Variants in CSMD2 observed in about 807,000 individuals in gnomAD.
CSMD2 encodes CUB and sushi domain-containing protein 2.
CSMD2 carries 130 observed loss-of-function variants against 398.5 expected under a neutral mutation model. That is an observed-to-expected ratio of 0.33 (90% CI 0.28 to 0.38). The LOEUF is 0.38. CSMD2 is among the 10% of genes least tolerant of loss of function. CSMD2 has a pLI of 1.00. For missense variants in CSMD2, 3,829 were observed against 4,764.9 expected, an observed-to-expected ratio of 0.80 and a Z score of 5.78; for synonymous variants, 1,828 against 1,908.5, an observed-to-expected ratio of 0.96 and a Z score of 1.10.
rs574055972 is a variant in CSMD2 at position 34,123,823 on chromosome 1, A to G, written c.188-34630T>C. On this transcript the variant is annotated intron_variant, in intron 1 of 70. Transcript: ENST00000373381. ...GTGAGAGCAGGAAAAAAAAACAACA[A>G]CATGGCTTAAGAGAGCTTTTCCCTA... Among the ~76,000 whole-genome samples the G allele has an allele frequency of 2.0e-5, 3 of 152,128 alleles. No individual in the cohort carries two copies. In the East Asian group the frequency reaches 5.8e-4, roughly 29 times the overall value.
chr1:33,925,828 G>A (rs1441276689), intron 4 of CSMD2, among the ~76,000 whole-genome samples: 2 of 151,778 alleles, frequency 1.3e-5, no homozygotes, highest in Non-Finnish European at 2.9e-5. Context: ...AGCCACCCTG[G>A]CCTCCTCCCA....
intron 44 of CSMD2, chr1:33,600,566 G>T: frequency 1.9e-6 from 1 of 535,186 alleles, no homozygotes; most frequent in Non-Finnish European, 3.3e-6. Context: ...CAGGTATAGG[G>T]ATGATCCAGC....
chr1:33,672,542 C>A (rs1192035870), intron 25 of CSMD2, among the ~76,000 whole-genome samples: 1 of 152,178 alleles, frequency 6.6e-6, no homozygotes, highest in Admixed American at 6.5e-5. Context: ...GGGGGCAGGG[C>A]ACAGACAATC....
intron 15 of CSMD2, among the ~76,000 whole-genome samples, chr1:33,735,090 G>A (rs974176911): frequency 3.9e-5 from 6 of 152,070 alleles, no homozygotes; most frequent in African/African-American, 1.2e-4. Flanking sequence ...CCTGCTTTTC[G>A]TTCTATTTGG....
intron 22 of CSMD2, among the ~76,000 whole-genome samples, chr1:33,704,631 C>T (rs1384971172): frequency 6.6e-6 from 1 of 152,118 alleles, no homozygotes; most frequent in Non-Finnish European, 1.5e-5. Context: ...CATGAAATTG[C>T]CAATATTTTA....
intron 5 of CSMD2, among the ~76,000 whole-genome samples, chr1:33,881,773 G>A (rs376958041): frequency 6.6e-6 from 1 of 152,068 alleles, no homozygotes; most frequent in African/African-American, 2.4e-5. Context: ...AAATACAAAA[G>A]AACATAAATA....
intron 4 of CSMD2, among the ~76,000 whole-genome samples, chr1:33,929,589 C>T (rs528980670): frequency 6.6e-6 from 1 of 152,118 alleles, no homozygotes; most frequent in African/African-American, 2.4e-5. Flanking sequence ...AGGCATGTGA[C>T]ACCACGTCCA....
intron 10 of CSMD2, among the ~76,000 whole-genome samples, chr1:33,807,172 A>G (rs1010013430): frequency 6.6e-6 from 1 of 152,218 alleles, no homozygotes; most frequent in African/African-American, 2.4e-5. Flanking sequence ...CACCAGAACA[A>G]TATTTCCATG....
intron 3 of CSMD2, among the ~76,000 whole-genome samples, chr1:33,950,087 C>T (rs537558123): frequency 1.3e-5 from 2 of 152,238 alleles, no homozygotes; most frequent in South Asian, 4.2e-4. Flanking sequence ...TCTGCCCCCA[C>T]CCCATTGCTC....
chr1:33,519,458 T>C lies in CSMD2; in HGVS notation c.*53+7A>G, dbSNP rs1471125504. 1.0e-5 allele frequency: 16 copies of C among 1,561,234 alleles called. No individual in the cohort carries two copies. In the East Asian group the frequency reaches 3.6e-4, roughly 35 times the overall value. On this transcript the variant is annotated splice_region_variant and intron_variant, in intron 70 of 70. Coordinates refer to ENST00000373381, the MANE Select transcript of CSMD2 (RefSeq NM_001281956.2). This position sits in a 1 kb window ranked among gnomAD's most constrained non-coding sequence, Gnocchi z 5.6. ...ATGGCCTGTCTTCCTCCCACACCCC[T>C]GCTCACCGGCTGCTGGAGGCGGGGC...
Position 33,537,311 on chromosome 1 carries a change from G to A in CSMD2, c.9805+125C>T. 8.4e-7 allele frequency: 1 copy of A among 1,185,734 alleles called. No individual in the cohort carries two copies. The allele number at this position is 1,185,734 out of a possible 1,614,324, so 73.5% of individuals were successfully genotyped here. A position where few individuals can be genotyped will look rare whatever the true frequency, so the allele number is the denominator to read the frequency against. ...TACATCCTGCTGCAGAAGCTCAGAG[G>A]ATGAGATGTTCCCTTTTGCAGATGA... On this transcript the variant is annotated intron_variant, in intron 61 of 70. Coordinates refer to ENST00000373381, the MANE Select transcript of CSMD2 (RefSeq NM_001281956.2). This position sits in a 1 kb window ranked among gnomAD's most constrained non-coding sequence, Gnocchi z 4.6.
intron 9 of CSMD2, among the ~76,000 whole-genome samples, chr1:33,819,206 C>T (rs1172873462): frequency 6.6e-6 from 1 of 152,142 alleles, no homozygotes; most frequent in Non-Finnish European, 1.5e-5. Flanking sequence ...GATGTGGTGG[C>T]AGGGCCCTGG....
chr1:33,658,856 CT>C (rs1229820898), intron 26 of CSMD2, among the ~76,000 whole-genome samples: 1 of 152,170 alleles, frequency 6.6e-6, no homozygotes, highest in Non-Finnish European at 1.5e-5. Flanking sequence ...AGAGTAAGAG[CT>C]CATCTCTAAA....
At chr1:34,033,524 C>T (rs1173283119) in intron 2 of CSMD2, among the ~76,000 whole-genome samples, 1 of 152,180 alleles carries the variant, frequency 6.6e-6, no homozygotes, top group African/African-American at 2.4e-5. Flanking sequence ...TAGGAAAGAC[C>T]TTGTCCACTG....
At chr1:33,987,079 C>A (rs547148900) in intron 3 of CSMD2, among the ~76,000 whole-genome samples, 3 of 152,220 alleles carry the variant, frequency 2.0e-5, no homozygotes, top group Admixed American at 1.3e-4. Flanking sequence ...GGGCTAAGTT[C>A]ATCAAGTAGC....
chr1:33,984,627 A>G (rs1646287713), intron 3 of CSMD2, among the ~76,000 whole-genome samples: 1 of 152,148 alleles, frequency 6.6e-6, no homozygotes, highest in African/African-American at 2.4e-5. Flanking sequence ...TACAAAAAGT[A>G]AAAACATTAC....
intron 3 of CSMD2, among the ~76,000 whole-genome samples, chr1:33,993,011 T>C (rs1386748179): frequency 3.3e-5 from 5 of 152,174 alleles, no homozygotes; most frequent in Admixed American, 2.0e-4. Context: ...ATAGTACATC[T>C]TGTATTGTCC....
At chr1:33,649,505 G>A (rs1643641548) in intron 28 of CSMD2, among the ~76,000 whole-genome samples, 2 of 152,102 alleles carry the variant, frequency 1.3e-5, no homozygotes, top group South Asian at 4.1e-4. Context: ...TTAGCTGGGT[G>A]TGGTGGCATG....
intron 3 of CSMD2, among the ~76,000 whole-genome samples, chr1:33,944,673 A>C (rs1644787169): frequency 6.6e-6 from 1 of 152,132 alleles, no homozygotes; most frequent in Admixed American, 6.5e-5. Flanking sequence ...AGCTGGGCAC[A>C]TTGCTTAGCA....
Sources: allele counts gnomAD v4.1 joint callset (sites outside exome capture counted in the v4.1 genomes callset), GRCh38; gene constraint gnomAD v4.1.1; non-coding constraint Gnocchi (gnomAD v3.1); transcripts MANE v1.5; gene names NCBI Gene and HGNC (gene_info 2026-07-23, HGNC 2026-07-21).